PLET1: variants seen among roughly 807,000 people sequenced by gnomAD.
PLET1 encodes the protein placenta-expressed transcript 1 protein.
PLET1 carries 20 observed loss-of-function variants against 18.5 expected under a neutral mutation model. That is an observed-to-expected ratio of 1.08 (90% CI 0.76 to 1.57). PLET1 has a LOEUF of 1.57. Among genes scored for constraint, PLET1 ranks in the 40% most tolerant of loss-of-function variants. The probability of loss-of-function intolerance (pLI) is 0.00; values close to 1 mark genes in which losing one functional copy is unlikely to be tolerated. For missense variants in PLET1, 256 were observed against 246.4 expected (o/e 1.04, Z -0.26); for synonymous variants, 93 against 93.8 (o/e 0.99, Z 0.05).
intron 2 of PLET1, among the ~76,000 whole-genome samples, chr11:112,252,621 C>T (rs1480942394): frequency 3.3e-5 from 5 of 152,198 alleles, no homozygotes; most frequent in Admixed American, 6.5e-5. Context: ...CCCATTCCAA[C>T]GCCCCTACCA....
At chr11:112,250,220 C>CCTTTTTTTTTTTTTTTTTTTT (rs1733095677) in intron 3 of PLET1, among the ~76,000 whole-genome samples, 1 of 49,860 alleles carries the variant, frequency 2.0e-5, no homozygotes, top group African/African-American at 7.8e-5. Flanking sequence ...AGAAACAAAC[C>CCTTTTTTTTTTTTTTTTTTTT]TTTTTTTTTT....
At chr11:112,254,869 T>C (rs935841235) in intron 2 of PLET1, among the ~76,000 whole-genome samples, 23 of 132,184 alleles carry the variant, frequency 1.7e-4, no homozygotes, top group Non-Finnish European at 3.0e-4. Context: ...TATGTGTGTG[T>C]GGTGCATGTG....
chr11:112,248,456 A>G lies in PLET1; in HGVS notation c.*343T>C. On this transcript the variant is annotated 3_prime_UTR_variant, in exon 4 of 4. Coordinates refer to ENST00000338832, the MANE Select transcript of PLET1 (RefSeq NM_001145024.1). ...CTTCCCACAGAAACTCAGAGGTTGCAGGGGAATCATTTGGCAGTGAACAAA... is the reference window on the plus strand; with the variant it reads ...CTTCCCACAGAAACTCAGAGGTTGCGGGGGAATCATTTGGCAGTGAACAAA... 2.5e-6 allele frequency: 1 copy of G among 407,066 alleles called. No homozygotes were observed. Among genetic ancestry groups the G allele is most frequent in the Non-Finnish European group, 4.3e-6 (1 of 231,948 alleles). 25.2% of individuals were successfully genotyped at this position (407,066 alleles called of 1,614,324 possible).
At chr11:112,255,956 G>A (rs2135418495) in intron 1 of PLET1, among the ~76,000 whole-genome samples, 1 of 152,270 alleles carries the variant, frequency 6.6e-6, no homozygotes, top group South Asian at 2.1e-4. Context: ...TCTCTGAGCC[G>A]GGGCCCATTT....
intron 3 of PLET1, among the ~76,000 whole-genome samples, chr11:112,249,963 T>TAAAA (rs61227342): frequency 4.7e-5 from 5 of 105,486 alleles, no homozygotes; most frequent in Non-Finnish European, 7.3e-5. Flanking sequence ...TCTCAAAAAT[T>TAAAA]AAAAAAAAAA....
chr11:112,252,175 G>A (rs185130650), intron 3 of PLET1, among the ~76,000 whole-genome samples, 173 bp downstream of exon 3: 1 of 152,310 alleles, frequency 6.6e-6, no homozygotes, highest in African/African-American at 2.4e-5. Context: ...AAGGACATGG[G>A]ACAACGGGTT....
In PLET1 at chr11:112,260,513, G is replaced by T; in HGVS notation, c.77C>A (p.Thr26Asn). ...LCLSLQLSSA[T>N]FIRYSSTCFT... ...GCAGGTGCTACTGTACCTTATAAAG[G>T]TGGCAGAAGAAAGCTGCAGACTGAG... is the stretch of plus-strand genomic sequence containing the variant. The change falls in exon 1 of 4, where the codon ACC becomes AAC. Residue 26 changes from threonine to asparagine, a missense_variant. Coordinates refer to ENST00000338832, the MANE Select transcript of PLET1 (RefSeq NM_001145024.1). 1.9e-6 allele frequency: 3 copies of T among 1,551,654 alleles called. No individual in the cohort carries two copies. The South Asian group carries it at 3.6e-5, about 18-fold the overall frequency.
rs907303683 is a variant in PLET1 at position 112,248,987 on chromosome 11, T to C, written c.449-13A>G. 3.9e-6 allele frequency: 6 copies of C among 1,549,066 alleles called. No individual in the cohort carries two copies. The African/African-American group carries it at 6.9e-5, about 18-fold the overall frequency. ...GCTAAGGTTGACACTGGAAAGGTGG[T>C]TGAGGGTGCGGTTGGCACTGGAAAA... On this transcript the variant is annotated splice_polypyrimidine_tract_variant and intron_variant, in intron 3 of 3. Coordinates refer to ENST00000338832, the MANE Select transcript of PLET1 (RefSeq NM_001145024.1).
chr11:112,248,875 T>C lies in PLET1; in HGVS notation c.548A>G (p.Asn183Ser). ...PKSIRLEGLANQVFSSPITEA... is the reference protein window; with the variant it reads ...PKSIRLEGLASQVFSSPITEA... ...TGTGATGGGGCTGCTGAAGACTTGG[T>C]TGGCCAAGCCTTCGAGTCTGATACT... The change falls in exon 4 of 4, where the codon AAC (asparagine) becomes AGC (serine). Residue 183 changes from asparagine (N) to serine (S), a missense_variant. Physicochemically the swap from Asn to Ser is conservative, Grantham distance 46. Transcript: ENST00000338832. 1.9e-6 allele frequency: 3 copies of C among 1,551,598 alleles called. No homozygotes were observed. The highest frequency in any genetic ancestry group is 1.4e-5 in the African/African-American group (1 of 73,132).
intron 1 of PLET1, 72 bp from the exon 2 acceptor site, chr11:112,255,661 GAAATC>G (rs1295337598): frequency 2.3e-6 from 3 of 1,318,796 alleles, no homozygotes; most frequent in Non-Finnish European, 3.2e-6. Context: ...TGAGGGCAGT[GAAATC>G]AAAACAAAGC....
intron 1 of PLET1, among the ~76,000 whole-genome samples, chr11:112,255,910 A>G (rs766817908): frequency 6.6e-6 from 1 of 152,214 alleles, no homozygotes; most frequent in Non-Finnish European, 1.5e-5. Context: ...TTTGCTACAC[A>G]CGAGGGGTGA....
rs1263134808 is a variant in PLET1, at chr11:112,248,272, C to CA, written c.*526dup. Reference sequence around the variant, plus strand: ...GGTTCGTTCCTGTTCTCTTGCCCTTCAAAATCTACTGGTGTGGACAAATGG... The same window carrying CA: ...GGTTCGTTCCTGTTCTCTTGCCCTTCAAAAATCTACTGGTGTGGACAAATGG... On this transcript the variant is annotated 3_prime_UTR_variant, in exon 4 of 4. Coordinates refer to ENST00000338832, the MANE Select transcript of PLET1 (RefSeq NM_001145024.1). Among the ~76,000 whole-genome samples the CA allele has an allele frequency of 6.6e-6, 1 of 152,180 alleles. No homozygotes were observed. The highest frequency in any genetic ancestry group is 1.9e-4 in the East Asian group (1 of 5,192).
intron 1 of PLET1, among the ~76,000 whole-genome samples, chr11:112,258,429 G>A (rs1005878095): frequency 5.3e-5 from 8 of 151,822 alleles, no homozygotes; most frequent in East Asian, 1.9e-4. Flanking sequence ...GATCACAGGC[G>A]CACATCATCA....
chr11:112,259,626 A>G (rs1860264960), intron 1 of PLET1, among the ~76,000 whole-genome samples: 1 of 152,198 alleles, frequency 6.6e-6, no homozygotes, highest in Non-Finnish European at 1.5e-5. Flanking sequence ...CTTTTCATAC[A>G]TAAAGTGGGT....
chr11:112,258,879 G>A (rs142547544), intron 1 of PLET1, among the ~76,000 whole-genome samples: 9 of 152,324 alleles, frequency 5.9e-5, no homozygotes, highest in East Asian at 1.9e-4. Flanking sequence ...AGGTGAGCGC[G>A]TGAAGGCATG....
chr11:112,257,241 C>T (rs1284891064), intron 1 of PLET1, among the ~76,000 whole-genome samples: 1 of 152,200 alleles, frequency 6.6e-6, no homozygotes, highest in Non-Finnish European at 1.5e-5. Flanking sequence ...TGCCCCTGAT[C>T]CTTGCTCACC....
At chr11:112,256,752 G>A (rs2518360) in intron 1 of PLET1, among the ~76,000 whole-genome samples, 101,510 of 152,118 alleles carry the variant, frequency 0.67, 34,912 homozygotes, top group South Asian at 0.8. Context: ...TGCAGATCCC[G>A]CAGACCTCGA....
At chr11:112,259,414 A>T (rs1286810015) in intron 1 of PLET1, among the ~76,000 whole-genome samples, 1 of 152,228 alleles carries the variant, frequency 6.6e-6, no homozygotes. Flanking sequence ...AGGAAGTGTT[A>T]TTATTATGAA....
chr11:112,248,737 G>C lies in PLET1; in HGVS notation c.*62C>G, dbSNP rs1360793863. ...TACACACATTCGGTTCCCAGCACTA[G>C]CTTGGAACTGAATGTAGGAGGATGC... On this transcript the variant is annotated 3_prime_UTR_variant, in exon 4 of 4. Coordinates refer to ENST00000338832, the MANE Select transcript of PLET1 (RefSeq NM_001145024.1). 1 of 1,508,194 alleles carries C rather than the reference G, an allele frequency of 6.6e-7. No individual in the cohort carries two copies. The highest frequency in any genetic ancestry group is 1.4e-5 in the African/African-American group (1 of 71,948). 93.4% of individuals were successfully genotyped at this position (1,508,194 alleles called of 1,614,324 possible).
Sources: allele counts gnomAD v4.1 joint callset (sites outside exome capture counted in the v4.1 genomes callset), GRCh38; gene constraint gnomAD v4.1.1; transcripts MANE v1.5; gene names NCBI Gene and HGNC (gene_info 2026-07-23, HGNC 2026-07-21).